The following EXOC6B variants were observed in gnomAD, a reference collection of about 807,000 sequenced individuals.
EXOC6B encodes exocyst complex component 6B, also known as SEC15 homolog B.
EXOC6B carries 54 observed loss-of-function variants against 113.5 expected under a neutral mutation model. That is an observed-to-expected ratio of 0.48 (90% CI 0.38 to 0.60). The LOEUF (loss-of-function observed/expected upper bound fraction) is 0.60. Among genes scored for constraint, EXOC6B ranks in the 20% least tolerant of loss-of-function variants. The pLI, the probability that EXOC6B is intolerant of heterozygous loss-of-function variation, is 0.00. For synonymous variants in EXOC6B, 357 were observed against 339.0 expected (o/e 1.05, Z -0.58); for missense variants, 797 against 977.5 (o/e 0.82, Z 2.46).
intron 19 of EXOC6B, among the ~76,000 whole-genome samples, chr2:72,346,471 A>G (rs1423459880): frequency 6.6e-6 from 1 of 152,200 alleles, no homozygotes; most frequent in East Asian, 1.9e-4. Flanking sequence ...GCTTATTTCT[A>G]TGTCTTGCCT....
At chr2:72,447,785 A>G (rs1419588624) in intron 18 of EXOC6B, among the ~76,000 whole-genome samples, 1 of 152,168 alleles carries the variant, frequency 6.6e-6, no homozygotes, top group Non-Finnish European at 1.5e-5. Context: ...TTGTACTTGC[A>G]TAGATGAATT....
chr2:72,753,529 A>G (rs1682195930), intron 1 of EXOC6B, among the ~76,000 whole-genome samples: 1 of 152,066 alleles, frequency 6.6e-6, no homozygotes, highest in African/African-American at 2.4e-5. Context: ...CACTGTTTTT[A>G]TCACTTTCCC....
At chr2:72,654,441 C>T (rs1486717258) in intron 6 of EXOC6B, among the ~76,000 whole-genome samples, 2 of 152,084 alleles carry the variant, frequency 1.3e-5, no homozygotes, top group South Asian at 2.1e-4. Context: ...CAAGACAAAC[C>T]CAAAGGAAAT....
Position 72,652,636 on chromosome 2 carries a change from A to AAT in EXOC6B, c.669+65465_669+65466dup, listed in dbSNP as rs544022778. Among the ~76,000 whole-genome samples, 548 of 149,652 alleles carry AAT rather than the reference A, an allele frequency of 3.7e-3. 4 individuals are homozygous for AAT. The highest frequency in any genetic ancestry group is 5.7e-3 in the Non-Finnish European group (383 of 67,468). On this transcript the variant is annotated intron_variant, in intron 6 of 21. Transcript: ENST00000272427. ...AGTCAGAAAACTATTCACCATCAAT[A>AAT]ATATATATATATAAAGCATCTTATA... is the stretch of plus-strand genomic sequence containing the variant.
At chr2:72,736,209 AAAC>A (rs1680946790) in intron 2 of EXOC6B, among the ~76,000 whole-genome samples, 1 of 151,832 alleles carries the variant, frequency 6.6e-6, no homozygotes, top group African/African-American at 2.4e-5. Flanking sequence ...AAAAAAAACA[AAAC>A]AATAAAAAGA....
At chr2:72,419,522 T>C (rs1326548307) in intron 18 of EXOC6B, among the ~76,000 whole-genome samples, 1 of 152,190 alleles carries the variant, frequency 6.6e-6, no homozygotes, top group African/African-American at 2.4e-5. Flanking sequence ...TTTGTTTATG[T>C]GGGGATGCCT....
intron 6 of EXOC6B, among the ~76,000 whole-genome samples, chr2:72,593,705 C>A (rs1256357797): frequency 6.8e-6 from 1 of 147,946 alleles, no homozygotes; most frequent in African/African-American, 2.5e-5. Flanking sequence ...TTATTAGATA[C>A]AGACTTTAAG....
chr2:72,797,339 G>A (rs1299601895), intron 1 of EXOC6B, among the ~76,000 whole-genome samples: 2 of 152,192 alleles, frequency 1.3e-5, no homozygotes, highest in Non-Finnish European at 1.5e-5. Flanking sequence ...AGAAAAGGAA[G>A]GTACTCTAGG....
At chr2:72,324,152 AT>A (rs1186720979) in intron 20 of EXOC6B, among the ~76,000 whole-genome samples, 2 of 152,178 alleles carry the variant, frequency 1.3e-5, no homozygotes, top group African/African-American at 4.8e-5. Flanking sequence ...TTTGATAACT[AT>A]TTTTAATCTA....
chr2:72,678,758 C>A (rs746472718), intron 6 of EXOC6B, among the ~76,000 whole-genome samples: 1 of 152,144 alleles, frequency 6.6e-6, no homozygotes, highest in Non-Finnish European at 1.5e-5. Flanking sequence ...ACACACGCCA[C>A]AACAGTCTGT....
At chr2:72,543,193 G>A (rs1702709534) in intron 8 of EXOC6B, among the ~76,000 whole-genome samples, 1 of 149,416 alleles carries the variant, frequency 6.7e-6, no homozygotes, top group Non-Finnish European at 1.5e-5. Context: ...AACCAGAAAT[G>A]AGGTGAGAGA....
At chr2:72,678,368 G>A (rs751572034) in intron 6 of EXOC6B, among the ~76,000 whole-genome samples, 35 of 152,292 alleles carry the variant, frequency 2.3e-4, no homozygotes, top group Admixed American at 3.9e-4. Flanking sequence ...TAGTGAAACA[G>A]TGCGGCTAGA....
chr2:72,297,421 C>A (rs1686210207), intron 20 of EXOC6B, among the ~76,000 whole-genome samples: 1 of 152,116 alleles, frequency 6.6e-6, no homozygotes, highest in Non-Finnish European at 1.5e-5. Flanking sequence ...TTCTTCCCCT[C>A]TTTGTGTCTG....
At chr2:72,655,949 T>C (rs1674546151) in intron 6 of EXOC6B, among the ~76,000 whole-genome samples, 1 of 152,122 alleles carries the variant, frequency 6.6e-6, no homozygotes, top group Non-Finnish European at 1.5e-5. Context: ...GATGCCTCTA[T>C]TGTAAATATG....
intron 1 of EXOC6B, among the ~76,000 whole-genome samples, chr2:72,763,338 T>G (rs1421122894): frequency 6.6e-6 from 1 of 152,184 alleles, no homozygotes. Flanking sequence ...GTTGTTTTGC[T>G]GTTTATGTTT....
Position 72,365,842 on chromosome 2 carries a change from G to A in EXOC6B, c.2122+13887C>T, listed in dbSNP as rs1175316703. Among the ~76,000 whole-genome samples the A allele has an allele frequency of 6.6e-5, 10 of 152,210 alleles. 1 individual carries two copies. Among genetic ancestry groups the A allele is most frequent in the Admixed American group, 5.9e-4 (9 of 15,278 alleles). Reference sequence around the variant, plus strand: ...TTTAAAGACCTCCAAGCTATCCAAAGCATCATGCAGAATTCTCCCAAGGGT... The same window carrying A: ...TTTAAAGACCTCCAAGCTATCCAAAACATCATGCAGAATTCTCCCAAGGGT... On this transcript the variant is annotated intron_variant, in intron 19 of 21. Transcript: ENST00000272427.
At position 72,495,459 on chromosome 2, in the gene EXOC6B, A is replaced by G; in HGVS notation, c.1524T>C (p.Cys508=). Residue 508 remains cysteine, a synonymous_variant, in exon 15 of 22, where the codon TGT becomes TGC. Transcript: ENST00000272427. Reference sequence around the variant, plus strand: ...GATGAAGATCTTCTGAAAACTTCAGACAAGCGTAGATAAATTCTTTAATTT... The same window carrying G: ...GATGAAGATCTTCTGAAAACTTCAGGCAAGCGTAGATAAATTCTTTAATTT... ...YNQIKEFIYA[C]LKFSEDLHLS... is the part of the protein sequence containing the mutation. 6.2e-7 allele frequency: 1 copy of G among 1,602,140 alleles called. No homozygotes were observed. The highest frequency in any genetic ancestry group is 8.5e-7 in the Non-Finnish European group (1 of 1,172,334).
chr2:72,204,853 T>C (rs1679734970), intron 20 of EXOC6B, among the ~76,000 whole-genome samples: 1 of 152,152 alleles, frequency 6.6e-6, no homozygotes, highest in Admixed American at 6.5e-5. Flanking sequence ...ACAGTTCCTT[T>C]TCACAGCTCT....
intron 20 of EXOC6B, among the ~76,000 whole-genome samples, chr2:72,229,055 A>C (rs544026391): frequency 6.6e-6 from 1 of 152,304 alleles, no homozygotes; most frequent in Non-Finnish European, 1.5e-5. Context: ...TTGGCTGCAT[A>C]AATGTCTTCT....
Sources: allele counts gnomAD v4.1 joint callset (sites outside exome capture counted in the v4.1 genomes callset), GRCh38; gene constraint gnomAD v4.1.1; transcripts MANE v1.5; gene names NCBI Gene and HGNC (gene_info 2026-07-23, HGNC 2026-07-21).